Variants in NUDT13 observed in about 807,000 individuals in gnomAD.
NUDT13 encodes the protein nudix hydrolase 13.
A neutral mutation model predicts 41.7 loss-of-function variants in NUDT13; 40 were observed. That is an observed-to-expected ratio of 0.96 (90% CI 0.75 to 1.25). The LOEUF is 1.25. NUDT13 is among the 50% of genes most tolerant of loss of function. The pLI is 0.00. For missense variants in NUDT13, 390 were observed against 416.1 expected, an observed-to-expected ratio of 0.94 and a Z score of 0.55; for synonymous variants, 145 against 155.5, an observed-to-expected ratio of 0.93 and a Z score of 0.50.
rs773555144 is a variant in NUDT13, at chr10:73,125,374, T to G, written c.592-24T>G. 1.9e-6 allele frequency: 3 copies of G among 1,612,098 alleles called. No individual in the cohort carries two copies. In the East Asian group the frequency reaches 6.7e-5, roughly 36 times the overall value. ...TGGCAGGGCCCAAAGTGCCAGCATC[T>G]CAGTTTCCATTCCCCTTTCCTAGAT... On this transcript the variant is annotated intron_variant, in intron 6 of 8. Transcript: ENST00000357321.
chr10:73,119,744 G>A (rs985786196), intron 2 of NUDT13, among the ~76,000 whole-genome samples: 2 of 152,122 alleles, frequency 1.3e-5, no homozygotes, highest in African/African-American at 2.4e-5. Context: ...TTCCCCTTAA[G>A]GAGATCATAG....
At chr10:73,127,829 A>G (rs1490738708) in intron 8 of NUDT13, among the ~76,000 whole-genome samples, 1 of 150,848 alleles carries the variant, frequency 6.6e-6, no homozygotes, top group African/African-American at 2.4e-5. Context: ...TATTAATTGT[A>G]GACCTTATGG....
chr10:73,116,624 C>A (rs1842517771), intron 2 of NUDT13, among the ~76,000 whole-genome samples: 1 of 151,898 alleles, frequency 6.6e-6, no homozygotes, highest in Admixed American at 6.6e-5. Context: ...CACCTGTAGT[C>A]ACAGCTACTC....
At chr10:73,123,648 T>A (rs996948391) in intron 4 of NUDT13, among the ~76,000 whole-genome samples, 11 of 152,096 alleles carry the variant, frequency 7.2e-5, no homozygotes, top group African/African-American at 2.7e-4. Flanking sequence ...TCTTGCTTTT[T>A]AAAAAAATTT....
At position 73,124,396 on chromosome 10, in the gene NUDT13, G is replaced by C. The variant is rs144740390; in HGVS notation, c.465+76G>C. The C allele has an allele frequency of 6.5e-4, 614 of 947,116 alleles. No individual in the cohort carries two copies. In the African/African-American group the frequency reaches 8.4e-3, roughly 13 times the overall value. The allele number at this position is 947,116 out of a possible 1,614,324, so 58.7% of individuals were successfully genotyped here. A position where few individuals can be genotyped will look rare whatever the true frequency, so the allele number is the denominator to read the frequency against. Reference sequence around the variant, plus strand: ...GGGCAAATCCATGTGTACACACAAGGCTAGAGTGACGTTTGATTTCTTCTT... The same window carrying C: ...GGGCAAATCCATGTGTACACACAAGCCTAGAGTGACGTTTGATTTCTTCTT... On this transcript the variant is annotated intron_variant, in intron 5 of 8. Coordinates refer to ENST00000357321, the MANE Select transcript of NUDT13 (RefSeq NM_015901.6).
At position 73,131,082 on chromosome 10, in the gene NUDT13, T is replaced by G; in HGVS notation, c.*179T>G. 2.0e-6 allele frequency: 1 copy of G among 508,256 alleles called. No homozygotes were observed. The highest frequency in any genetic ancestry group is 3.6e-6 in the Non-Finnish European group (1 of 280,072). The allele number at this position is 508,256 out of a possible 1,614,324, so 31.5% of individuals were successfully genotyped here. A position where few individuals can be genotyped will look rare whatever the true frequency, so the allele number is the denominator to read the frequency against. ...TGTTAATGGAAGAAATTCCTACCAA[T>G]GGGCAATCAAAAAAGCCAGTGTGAG... On this transcript the variant is annotated 3_prime_UTR_variant, in exon 9 of 9. Transcript: ENST00000357321.
chr10:73,114,890 C>T (rs1275517039), intron 2 of NUDT13: 1 of 152,244 alleles, frequency 6.6e-6, no homozygotes, highest in Admixed American at 6.6e-5. Flanking sequence ...ACAGGCATTG[C>T]TGGGTTTCCG....
intron 5 of NUDT13, 86 bp downstream of exon 5, chr10:73,124,406 C>T (rs992827976): frequency 3.5e-5 from 30 of 861,232 alleles, no homozygotes; most frequent in East Asian, 2.9e-4. Flanking sequence ...GCTAGAGTGA[C>T]GTTTGATTTC....
chr10:73,124,103 GA>G, intron 4 of NUDT13, 110 bp from the exon 5 acceptor site: 1 of 717,402 alleles, frequency 1.4e-6, no homozygotes, highest in Admixed American at 2.2e-5. Flanking sequence ...ACACCTAGCT[GA>G]ATCTTACGAG....
chr10:73,114,511 A>G, intron 2 of NUDT13, 63 bp downstream of exon 2: 1 of 670,416 alleles, frequency 1.5e-6, no homozygotes, highest in Non-Finnish European at 2.4e-6. Context: ...TTGTGATATT[A>G]TGATTTTATA....
At chr10:73,122,549 G>A (rs2133218497) in intron 4 of NUDT13, among the ~76,000 whole-genome samples, 1 of 152,128 alleles carries the variant, frequency 6.6e-6, no homozygotes, top group Middle Eastern at 3.4e-3. Context: ...ATTAGTCTCT[G>A]TACCATTATA....
At chr10:73,119,680 A>G (rs894418807) in intron 2 of NUDT13, among the ~76,000 whole-genome samples, 3 of 152,220 alleles carry the variant, frequency 2.0e-5, no homozygotes, top group African/African-American at 7.2e-5. Context: ...TATTTATTGA[A>G]TCGAGCCATT....
Position 73,125,433 on chromosome 10 carries a change from G to A in NUDT13, c.627G>A (p.Gly209=), listed in dbSNP as rs1191003743. The A allele has an allele frequency of 6.2e-7, 1 of 1,613,420 alleles. No individual in the cohort carries two copies. The highest frequency in any genetic ancestry group is 2.2e-5 in the East Asian group (1 of 44,846). ...TGGCGATCACGCTGGTGTCAGATGG[G>A]ACCCGATGCCTGCTTGCCCGCCAAA... ...APVAITLVSD[G]TRCLLARQSS... is the part of the protein sequence containing the mutation. Residue 209 remains glycine, a synonymous_variant, in exon 7 of 9, where the codon GGG becomes GGA. Coordinates refer to ENST00000357321, the MANE Select transcript of NUDT13 (RefSeq NM_015901.6).
intron 4 of NUDT13, among the ~76,000 whole-genome samples, chr10:73,122,986 C>T (rs1226880066): frequency 6.6e-6 from 1 of 150,538 alleles, no homozygotes; most frequent in East Asian, 1.9e-4. Context: ...CCACAACCTT[C>T]GCCTCCCAGG....
chr10:73,125,164 G>C lies in NUDT13; in HGVS notation c.512G>C (p.Arg171Thr), dbSNP rs1210866006. 6.2e-7 allele frequency: 1 copy of C among 1,613,522 alleles called. No individual in the cohort carries two copies. The highest frequency in any genetic ancestry group is 8.5e-7 in the Non-Finnish European group (1 of 1,179,934). Reference sequence around the variant, plus strand: ...CATGATGCTCATCAGTTCTGCAGCAGAAGTGGGCAGCCCACCAAGAAGAAC... The same window carrying C: ...CATGATGCTCATCAGTTCTGCAGCACAAGTGGGCAGCCCACCAAGAAGAAC... Reference protein sequence around the residue: ...RWHDAHQFCSRSGQPTKKNVA... With the variant: ...RWHDAHQFCSTSGQPTKKNVA... The change falls in exon 6 of 9, where the codon AGA becomes ACA. Residue 171 changes from arginine to threonine, a missense_variant. Transcript: ENST00000357321.
chr10:73,113,793 G>C (rs1286250286), intron 1 of NUDT13, among the ~76,000 whole-genome samples: 1 of 152,192 alleles, frequency 6.6e-6, no homozygotes, highest in Non-Finnish European at 1.5e-5. Flanking sequence ...CGGTCATTTA[G>C]TGTCAAAGCT....
At position 73,114,342 on chromosome 10, in the gene NUDT13, T is replaced by C. The variant is rs1268645980; in HGVS notation, c.-9-15T>C. The C allele has an allele frequency of 2.3e-6, 3 of 1,311,402 alleles. No homozygotes were observed. The highest frequency in any genetic ancestry group is 2.1e-4 in the Middle Eastern group (1 of 4,876). The allele number at this position is 1,311,402 out of a possible 1,614,324, so 81.2% of individuals were successfully genotyped here. ...ATTATGACTTTTTTTAAAACTCCTT[T>C]TTTTTTTTTTTAAGGACCTGACAAT... is the stretch of plus-strand genomic sequence containing the variant. On this transcript the variant is annotated splice_polypyrimidine_tract_variant and intron_variant, in intron 1 of 8. Coordinates refer to ENST00000357321, the MANE Select transcript of NUDT13 (RefSeq NM_015901.6).
At chr10:73,129,803 C>T (rs1021534353) in intron 8 of NUDT13, among the ~76,000 whole-genome samples, 1 of 151,198 alleles carries the variant, frequency 6.6e-6, no homozygotes, top group Non-Finnish European at 1.5e-5. Flanking sequence ...CATGGTGAAA[C>T]CCCGTCTCTA....
At chr10:73,129,041 G>A (rs1006989727) in intron 8 of NUDT13, among the ~76,000 whole-genome samples, 7 of 151,980 alleles carry the variant, frequency 4.6e-5, no homozygotes, top group East Asian at 1.9e-4. Context: ...TATAGTAGGC[G>A]CACAATCAGG....
Sources: allele counts gnomAD v4.1 joint callset (sites outside exome capture counted in the v4.1 genomes callset), GRCh38; gene constraint gnomAD v4.1.1; transcripts MANE v1.5; gene names NCBI Gene and HGNC (gene_info 2026-07-23, HGNC 2026-07-21).